Variants in CHST11 observed in about 807,000 individuals in gnomAD.
CHST11 encodes the protein C4S-1.
In CHST11, 9 loss-of-function variants were observed where a neutral mutation model predicts 30.4. The observed-to-expected ratio is 0.30, with a 90% CI of 0.18 to 0.52. The LOEUF (loss-of-function observed/expected upper bound fraction) is 0.52. Ranked by LOEUF, CHST11 falls within the 20% of genes least tolerant of loss-of-function variation. The pLI is 0.97. For missense variants in CHST11, 348 were observed against 460.6 expected (o/e 0.76, Z 2.24); for synonymous variants, 152 against 187.8 (o/e 0.81, Z 1.56).
chr12:104,475,661 TATA>T (rs2037550651), intron 1 of CHST11, among the ~76,000 whole-genome samples: 7 of 96,066 alleles, frequency 7.3e-5, no homozygotes, highest in African/African-American at 2.4e-4. Context: ...AGCAGCATTA[TATA>T]TATATATATA....
chr12:104,526,227 GAAAAGAAAAGA>G (rs1169708663), intron 1 of CHST11, among the ~76,000 whole-genome samples: 4 of 132,714 alleles, frequency 3.0e-5, no homozygotes, highest in Non-Finnish European at 6.2e-5. Flanking sequence ...AAAAAAAAAA[GAAAAGAAAAGA>G]AAAAGAAAAG....
intron 2 of CHST11, among the ~76,000 whole-genome samples, chr12:104,698,624 T>C (rs2039968114): frequency 6.6e-6 from 1 of 152,328 alleles, no homozygotes; most frequent in South Asian, 2.1e-4. Context: ...CTCCTGACCT[T>C]CCTTCCTGCA....
chr12:104,505,195 G>C (rs2037892615), intron 1 of CHST11, among the ~76,000 whole-genome samples: 1 of 152,128 alleles, frequency 6.6e-6, no homozygotes, highest in Non-Finnish European at 1.5e-5. Flanking sequence ...ATTCTACCTG[G>C]GGGCTATTTC....
chr12:104,505,308 A>T (rs1268819010), intron 1 of CHST11, among the ~76,000 whole-genome samples: 2 of 152,108 alleles, frequency 1.3e-5, no homozygotes, highest in Non-Finnish European at 2.9e-5. Flanking sequence ...GAAGCCAGGG[A>T]TACTGCATGG....
intron 1 of CHST11, among the ~76,000 whole-genome samples, chr12:104,583,551 G>A (rs894283265): frequency 3.3e-5 from 5 of 152,014 alleles, no homozygotes; most frequent in African/African-American, 9.7e-5. Flanking sequence ...CCCCTGTCTG[G>A]GGCCTCCCCT....
Position 104,646,403 on chromosome 12 carries a change from G to A in CHST11, c.204+44412G>A, listed in dbSNP as rs17036046. Among the ~76,000 whole-genome samples, 1,228 of 152,216 alleles carry A rather than the reference G, an allele frequency of 8.1e-3. 63 individuals carry two copies. The East Asian group carries it at 0.11, about 14-fold the overall frequency. On this transcript the variant is annotated intron_variant, in intron 2 of 2. Transcript: ENST00000303694. Reference sequence around the variant, plus strand: ...AACCTCCCTAAACTGATTTCTCATGGAACCCTGGAGTTCACCTTCATCGTA... The same window carrying A: ...AACCTCCCTAAACTGATTTCTCATGAAACCCTGGAGTTCACCTTCATCGTA...
At chr12:104,514,253 C>T (rs957318343) in intron 1 of CHST11, 4 of 865,380 alleles carry the variant, frequency 4.6e-6, no homozygotes, top group Non-Finnish European at 8.0e-6. Context: ...TTGGGGCAGC[C>T]ACAGTTGGTG....
chr12:104,542,436 AAG>A (rs1402189098), intron 1 of CHST11, among the ~76,000 whole-genome samples: 36 of 152,370 alleles, frequency 2.4e-4, no homozygotes, highest in Admixed American at 6.5e-4. Flanking sequence ...CTTAAAATGA[AAG>A]AAAATTTTGA....
chr12:104,702,223 C>A (rs915863676), intron 2 of CHST11, among the ~76,000 whole-genome samples: 9 of 152,240 alleles, frequency 5.9e-5, no homozygotes, highest in Non-Finnish European at 2.9e-5. Flanking sequence ...TATACCAGCA[C>A]ATGCTGGGTG....
intron 1 of CHST11, among the ~76,000 whole-genome samples, chr12:104,585,174 C>T (rs540026062): frequency 6.5e-4 from 99 of 152,326 alleles, no homozygotes; most frequent in African/African-American, 2.1e-3. Context: ...TTCCAGCTAT[C>T]TTTGCTTCTG....
At chr12:104,670,836 C>A (rs2039689086) in intron 2 of CHST11, among the ~76,000 whole-genome samples, 1 of 150,836 alleles carries the variant, frequency 6.6e-6, no homozygotes, top group South Asian at 2.1e-4. Context: ...CATTCTCACA[C>A]ACACTCCCAC....
At chr12:104,752,129 C>G (rs754523058) in intron 2 of CHST11, among the ~76,000 whole-genome samples, 71 of 152,206 alleles carry the variant, frequency 4.7e-4, no homozygotes, top group Non-Finnish European at 7.9e-4. Flanking sequence ...AGGGCATGCT[C>G]TCTCTGAAGG....
intron 1 of CHST11, among the ~76,000 whole-genome samples, chr12:104,560,104 AG>A (rs1205353642): frequency 6.6e-6 from 1 of 152,162 alleles, no homozygotes; most frequent in African/African-American, 2.4e-5. Flanking sequence ...GGGATGAGCT[AG>A]GCATGTTAGA....
chr12:104,526,215 TAA>T (rs11292565), intron 1 of CHST11, among the ~76,000 whole-genome samples: 13 of 145,992 alleles, frequency 8.9e-5, no homozygotes, highest in Admixed American at 2.7e-4. Context: ...ATCATTTTCT[TAA>T]AAAAAAAAAG....
intron 2 of CHST11, among the ~76,000 whole-genome samples, chr12:104,733,157 C>T (rs550995995): frequency 1.2e-4 from 19 of 152,164 alleles, no homozygotes; most frequent in Admixed American, 2.6e-4. Flanking sequence ...GTTCTGCCAC[C>T]GGGTTCTTTA....
intron 1 of CHST11, among the ~76,000 whole-genome samples, chr12:104,535,260 A>G (rs2038226132): frequency 6.6e-6 from 1 of 152,152 alleles, no homozygotes; most frequent in South Asian, 2.1e-4. Flanking sequence ...TTCAGGGTGG[A>G]AGGAATGGGA....
intron 1 of CHST11, among the ~76,000 whole-genome samples, chr12:104,508,762 G>T (rs185032850): frequency 1.3e-5 from 2 of 152,296 alleles, no homozygotes; most frequent in Non-Finnish European, 2.9e-5. Context: ...TATCTCTTGT[G>T]ATTATTTATG....
At chr12:104,619,941 C>T (rs1399178018) in intron 2 of CHST11, among the ~76,000 whole-genome samples, 2 of 152,146 alleles carry the variant, frequency 1.3e-5, no homozygotes, top group African/African-American at 2.4e-5. Flanking sequence ...ATGGGAGAAA[C>T]GGTTCCCTTA....
At chr12:104,585,771 G>A (rs1450133585) in intron 1 of CHST11, among the ~76,000 whole-genome samples, 2 of 152,198 alleles carry the variant, frequency 1.3e-5, no homozygotes, top group African/African-American at 4.8e-5. Flanking sequence ...CCAAAATCAA[G>A]GTGTCAGCAG....
Sources: gnomAD v4.1 joint callset for allele counts (sites outside exome capture counted in the v4.1 genomes callset) on GRCh38, gnomAD v4.1.1 for gene constraint, MANE v1.5 for transcripts, NCBI Gene and HGNC (gene_info 2026-07-23, HGNC 2026-07-21) for gene names.